The following NAV2 variants were observed in gnomAD, a reference collection of about 807,000 sequenced individuals.
NAV2 encodes neuron navigator 2.
Under a neutral mutation model 223.2 loss-of-function variants are expected in NAV2, and 54 were observed. The observed-to-expected ratio is 0.24, with a 90% CI of 0.19 to 0.30. The LOEUF (loss-of-function observed/expected upper bound fraction) is 0.30, where lower values mean the gene tolerates loss of function less well. Ranked by LOEUF, NAV2 falls within the 10% of genes least tolerant of loss-of-function variation. The probability of loss-of-function intolerance (pLI) is 1.00; values close to 1 mark genes in which losing one functional copy is unlikely to be tolerated. For missense variants in NAV2, 2,806 were observed against 3,147.5 expected, an observed-to-expected ratio of 0.89 and a Z score of 2.60; for synonymous variants, 1,279 against 1,239.3, an observed-to-expected ratio of 1.03 and a Z score of -0.67.
intron 1 of NAV2, among the ~76,000 whole-genome samples, chr11:19,387,906 T>G (rs1303405593): frequency 6.6e-6 from 1 of 152,218 alleles, no homozygotes; most frequent in East Asian, 1.9e-4. Flanking sequence ...ATTCACCCAC[T>G]TGTTCTCTTA....
chr11:19,650,506 T>C (rs372005307), intron 1 of NAV2, among the ~76,000 whole-genome samples: 1 of 152,200 alleles, frequency 6.6e-6, no homozygotes, highest in Non-Finnish European at 1.5e-5. Context: ...TGTGGTACTT[T>C]GTTATGGCAG....
chr11:19,756,419 T>A (rs2054234639), intron 1 of NAV2, among the ~76,000 whole-genome samples: 1 of 152,194 alleles, frequency 6.6e-6, no homozygotes, highest in Non-Finnish European at 1.5e-5. Flanking sequence ...CAGGACCAGT[T>A]CATGAAGAGT....
chr11:19,921,954 A>T (rs757684017), intron 6 of NAV2, among the ~76,000 whole-genome samples: 1 of 152,226 alleles, frequency 6.6e-6, no homozygotes, highest in Non-Finnish European at 1.5e-5. Flanking sequence ...GGGTATATAA[A>T]TATATTTTGC....
intron 1 of NAV2, among the ~76,000 whole-genome samples, chr11:19,571,011 T>C (rs527367569): frequency 1.3e-5 from 2 of 152,356 alleles, no homozygotes; most frequent in East Asian, 3.9e-4. Context: ...GTGTTCATTA[T>C]AGCCAAAAAG....
intron 1 of NAV2, among the ~76,000 whole-genome samples, chr11:19,366,182 A>C (rs896469859): frequency 3.9e-5 from 6 of 152,114 alleles, no homozygotes; most frequent in Non-Finnish European, 5.9e-5. Context: ...TGGGGTGAGG[A>C]GTGAGCAGTC....
intron 1 of NAV2, among the ~76,000 whole-genome samples, chr11:19,389,415 A>C (rs1211478149): frequency 6.6e-6 from 1 of 152,264 alleles, no homozygotes; most frequent in African/African-American, 2.4e-5. Context: ...AACGTGTCTT[A>C]TATTTCAGAG....
chr11:20,070,923 C>T (rs771037320), intron 22 of NAV2, among the ~76,000 whole-genome samples: 6 of 152,132 alleles, frequency 3.9e-5, no homozygotes, highest in Non-Finnish European at 7.4e-5. Flanking sequence ...AAAACACCTT[C>T]TCAATAGCAG....
At chr11:19,714,117 G>T (rs1021909974) in intron 1 of NAV2, 155 bp downstream of exon 1, 4 of 1,145,948 alleles carry the variant, frequency 3.5e-6, no homozygotes, top group Non-Finnish European at 5.0e-6. Context: ...GGGGATGCGC[G>T]AGGAGAGTGG....
In NAV2 at chr11:19,933,594, C is replaced by A; in HGVS notation, c.1350C>A (p.Thr450=). 2 of 1,613,222 alleles carry A rather than the reference C, an allele frequency of 1.2e-6. No individual in the cohort carries two copies. Among genetic ancestry groups the A allele is most frequent in the Non-Finnish European group, 1.7e-6 (2 of 1,179,318 alleles). Residue 450 remains threonine, a synonymous_variant, in exon 7 of 38, where the codon ACC becomes ACA. Coordinates refer to ENST00000349880, the MANE Select transcript of NAV2 (RefSeq NM_145117.5). The surrounding 1 kb of genome is among the most constrained non-coding windows in gnomAD (Gnocchi z 4.3). ...EELEAASRML[T]TVGPASSSPK... ...TGGAGGCCGCCAGTCGCATGCTCAC[C>A]ACCGTGGGCCCTGCTTCCAGCAGCC...
intron 1 of NAV2, among the ~76,000 whole-genome samples, chr11:19,397,418 T>TGTGTGTGTGCGC (rs57566081): frequency 4.1e-5 from 6 of 145,260 alleles, no homozygotes; most frequent in African/African-American, 1.3e-4. Context: ...TGTGTGTGTG[T>TGTGTGTGTGCGC]GCGCGCATGT....
At chr11:19,559,070 G>C (rs991562246) in intron 1 of NAV2, among the ~76,000 whole-genome samples, 1 of 152,196 alleles carries the variant, frequency 6.6e-6, no homozygotes, top group African/African-American at 2.4e-5. Context: ...AGAGACACAG[G>C]CCTCTCCTCT....
chr11:19,788,503 A>G (rs758478123), intron 1 of NAV2, among the ~76,000 whole-genome samples: 22 of 152,056 alleles, frequency 1.4e-4, no homozygotes, highest in African/African-American at 5.1e-4. Context: ...GGACACCTTC[A>G]CCCTTCACTT....
chr11:20,023,815 C>G (rs56104499), intron 11 of NAV2, among the ~76,000 whole-genome samples: 1 of 151,548 alleles, frequency 6.6e-6, no homozygotes, highest in African/African-American at 2.4e-5. Flanking sequence ...ATAGAGCTGC[C>G]CAGGGAAGCA....
chr11:19,474,269 C>T (rs1197763735), intron 1 of NAV2, among the ~76,000 whole-genome samples: 4 of 152,218 alleles, frequency 2.6e-5, no homozygotes, highest in Admixed American at 2.0e-4. Flanking sequence ...CCAGTGGCAT[C>T]GTTTGTGAGA....
chr11:19,961,801 C>G (rs140452524), intron 10 of NAV2, among the ~76,000 whole-genome samples: 124 of 152,122 alleles, frequency 8.2e-4, no homozygotes, highest in African/African-American at 2.9e-3. Context: ...ATCTGCTTGC[C>G]TTTTTAGTCT....
chr11:19,832,993 T>A (rs1219567120), intron 2 of NAV2, among the ~76,000 whole-genome samples: 12 of 152,226 alleles, frequency 7.9e-5, no homozygotes, highest in Admixed American at 7.8e-4. Flanking sequence ...AACGTGGGGC[T>A]GGTTTAATCC....
rs773217803 is a variant in NAV2, at chr11:20,114,605, G to A, written c.6974G>A (p.Arg2325His). The change falls in exon 37 of 38, where the codon CGC (arginine) becomes CAC (histidine). Residue 2325 changes from arginine to histidine, a missense_variant. Coordinates refer to ENST00000349880, the MANE Select transcript of NAV2 (RefSeq NM_145117.5). ...GCCTGTTTTCAGCTCTATGGAAGGC[G>A]CGCCCCCTGGGAGGATCCTGCCAAG... Reference protein sequence around the residue: ...VREGLQLYGRRAPWEDPAKWV... With the variant: ...VREGLQLYGRHAPWEDPAKWV... 43 of 1,613,974 alleles carry A rather than the reference G, an allele frequency of 2.7e-5. 1 individual carries two copies. The highest frequency in any genetic ancestry group is 1.6e-4 in the Middle Eastern group (1 of 6,084).
At chr11:19,485,461 G>A (rs986462266) in intron 1 of NAV2, among the ~76,000 whole-genome samples, 1 of 152,010 alleles carries the variant, frequency 6.6e-6, no homozygotes, top group Non-Finnish European at 1.5e-5. Flanking sequence ...CAACACACAG[G>A]GCTTGACTGA....
intron 1 of NAV2, among the ~76,000 whole-genome samples, chr11:19,585,227 G>T (rs1247961249): frequency 6.6e-6 from 1 of 151,848 alleles, no homozygotes; most frequent in Non-Finnish European, 1.5e-5. Context: ...TTTTCCATTT[G>T]CTTGGTAGAT....
Sources: allele counts gnomAD v4.1 joint callset (sites outside exome capture counted in the v4.1 genomes callset), GRCh38; gene constraint gnomAD v4.1.1; non-coding constraint Gnocchi (gnomAD v3.1); transcripts MANE v1.5; gene names NCBI Gene and HGNC (gene_info 2026-07-23, HGNC 2026-07-21).